RAB1A: variants seen among roughly 807,000 people sequenced by gnomAD.
RAB1A encodes the protein ras-related protein Rab-1A.
A neutral mutation model predicts 26.0 loss-of-function variants in RAB1A; 2 were observed. The observed-to-expected ratio is 0.08, with a 90% CI of 0.03 to 0.24. The LOEUF is 0.24. Among genes scored for constraint, RAB1A ranks in the 10% least tolerant of loss-of-function variants. The pLI, the probability that RAB1A is intolerant of heterozygous loss-of-function variation, is 1.00. For missense variants in RAB1A, 100 were observed against 247.0 expected, an observed-to-expected ratio of 0.40 and a Z score of 3.99; for synonymous variants, 84 against 84.9, an observed-to-expected ratio of 0.99 and a Z score of 0.06.
At chr2:65,126,794 C>T (rs1421705764) in intron 1 of RAB1A, among the ~76,000 whole-genome samples, 1 of 152,150 alleles carries the variant, frequency 6.6e-6, no homozygotes, top group Non-Finnish European at 1.5e-5. Context: ...ATGTTAAAAA[C>T]GAATGAGCTT....
At chr2:65,115,254 T>G (rs1204669981) in intron 1 of RAB1A, among the ~76,000 whole-genome samples, 2 of 152,236 alleles carry the variant, frequency 1.3e-5, no homozygotes, top group Admixed American at 6.5e-5. Context: ...AGCATAAAAC[T>G]AAGCTCACAT....
At chr2:65,127,248 T>A (rs1670121305) in intron 1 of RAB1A, among the ~76,000 whole-genome samples, 1 of 152,092 alleles carries the variant, frequency 6.6e-6, no homozygotes, top group African/African-American at 2.4e-5. Context: ...TTCTCCCCCT[T>A]GAAAATTCCT....
intron 1 of RAB1A, among the ~76,000 whole-genome samples, chr2:65,125,507 C>T (rs1317983380): frequency 6.7e-6 from 1 of 150,236 alleles, no homozygotes; most frequent in Non-Finnish European, 1.5e-5. Context: ...CTGCAGCCTC[C>T]GCCTCCCAGG....
intron 1 of RAB1A, among the ~76,000 whole-genome samples, chr2:65,126,012 C>T (rs897182913): frequency 1.5e-4 from 22 of 151,188 alleles, no homozygotes; most frequent in African/African-American, 5.1e-4. Flanking sequence ...GCTGGGATTA[C>T]AGGCGCCAGC....
intron 1 of RAB1A, among the ~76,000 whole-genome samples, chr2:65,124,000 T>TTTA (rs1486357750): frequency 6.6e-6 from 1 of 152,174 alleles, no homozygotes; most frequent in Non-Finnish European, 1.5e-5. Context: ...TATTTTTTAT[T>TTTA]TTTTTGAGAC....
chr2:65,090,385 TAA>T (rs886292381), intron 4 of RAB1A, among the ~76,000 whole-genome samples: 3 of 152,152 alleles, frequency 2.0e-5, no homozygotes, highest in African/African-American at 7.2e-5. Flanking sequence ...GTTTCTGATT[TAA>T]AAAAATAGTA....
At chr2:65,109,842 C>G (rs1669653034) in intron 1 of RAB1A, among the ~76,000 whole-genome samples, 1 of 152,088 alleles carries the variant, frequency 6.6e-6, no homozygotes, top group South Asian at 2.1e-4. Flanking sequence ...TAGTTCTAAT[C>G]TACTATAACC....
chr2:65,117,622 A>C (rs992287856), intron 1 of RAB1A, among the ~76,000 whole-genome samples: 7 of 152,130 alleles, frequency 4.6e-5, no homozygotes, highest in Non-Finnish European at 8.8e-5. Flanking sequence ...GCTAGAGTGC[A>C]GTGATGCAAT....
At chr2:65,129,270 TAAAC>T (rs1218668834) in intron 1 of RAB1A, among the ~76,000 whole-genome samples, 2 of 151,154 alleles carry the variant, frequency 1.3e-5, no homozygotes, top group Non-Finnish European at 2.9e-5. Context: ...GGCGAGCTCT[TAAAC>T]AACTCCTCCA....
intron 1 of RAB1A, among the ~76,000 whole-genome samples, chr2:65,128,934 C>A (rs1008724878): frequency 2.6e-5 from 4 of 152,132 alleles, no homozygotes; most frequent in African/African-American, 7.2e-5. Context: ...TGTGTCACAT[C>A]TGCTGTGGTG....
At chr2:65,121,201 C>G (rs975251185) in intron 1 of RAB1A, among the ~76,000 whole-genome samples, 1 of 147,654 alleles carries the variant, frequency 6.8e-6, no homozygotes, top group Non-Finnish European at 1.5e-5. Flanking sequence ...GCTACCACCA[C>G]TCCAGCCTGG....
chr2:65,109,767 C>A (rs1669651571), intron 1 of RAB1A, among the ~76,000 whole-genome samples: 1 of 151,936 alleles, frequency 6.6e-6, no homozygotes, highest in Non-Finnish European at 1.5e-5. Flanking sequence ...CAATTGTCAC[C>A]CTCGTAAATT....
chr2:65,121,714 G>C (rs1325985676), intron 1 of RAB1A, among the ~76,000 whole-genome samples: 2 of 152,092 alleles, frequency 1.3e-5, no homozygotes, highest in Non-Finnish European at 2.9e-5. Context: ...AGATATCAAA[G>C]CAGTAATCTC....
intron 2 of RAB1A, among the ~76,000 whole-genome samples, chr2:65,102,254 T>G (rs1348467498): frequency 2.6e-5 from 4 of 152,164 alleles, no homozygotes; most frequent in African/African-American, 9.6e-5. Context: ...AATTTAGCAG[T>G]GATTTCTTGC....
chr2:65,109,072 G>C (rs546106208), intron 1 of RAB1A, among the ~76,000 whole-genome samples: 1 of 152,268 alleles, frequency 6.6e-6, no homozygotes, highest in Non-Finnish European at 1.5e-5. Context: ...AACTTGCATT[G>C]GGACATTTTA....
chr2:65,107,946 C>G (rs1573077922), intron 1 of RAB1A, among the ~76,000 whole-genome samples: 1 of 151,740 alleles, frequency 6.6e-6, no homozygotes, highest in Non-Finnish European at 1.5e-5. Flanking sequence ...CAGCTTTAAT[C>G]TCAGCTACTT....
intron 2 of RAB1A, among the ~76,000 whole-genome samples, chr2:65,099,660 T>G (rs1379431641): frequency 1.3e-5 from 2 of 152,240 alleles, no homozygotes; most frequent in African/African-American, 2.4e-5. Context: ...AGGGTCTTGA[T>G]GTCTCCCAGG....
At chr2:65,123,596 GGT>G (rs1670023521) in intron 1 of RAB1A, among the ~76,000 whole-genome samples, 1 of 152,006 alleles carries the variant, frequency 6.6e-6, no homozygotes, top group African/African-American at 2.4e-5. Flanking sequence ...ATTTGGCTGA[GGT>G]GGGTGGATCA....
At chr2:65,094,917 G>A (rs1192616032) in intron 3 of RAB1A, among the ~76,000 whole-genome samples, 1 of 152,200 alleles carries the variant, frequency 6.6e-6, no homozygotes, top group Non-Finnish European at 1.5e-5. Context: ...GTTGTGATAA[G>A]ATCAATCTGA....
Sources: gnomAD v4.1 joint callset for allele counts (sites outside exome capture counted in the v4.1 genomes callset) on GRCh38, gnomAD v4.1.1 for gene constraint, MANE v1.5 for transcripts, NCBI Gene and HGNC (gene_info 2026-07-23, HGNC 2026-07-21) for gene names.